The following SASS6 variants were observed in gnomAD, a reference collection of about 807,000 sequenced individuals.
SASS6 encodes the protein SAS-6 centriolar assembly protein, also known as spindle assembly abnormal protein 6 homolog.
SASS6 carries 59 observed loss-of-function variants against 94.9 expected under a neutral mutation model. The observed-to-expected ratio is 0.62, with a 90% CI of 0.50 to 0.77. The LOEUF (loss-of-function observed/expected upper bound fraction) is 0.77, where lower values mean the gene tolerates loss of function less well. SASS6 is among the 30% of genes least tolerant of loss of function. The probability of loss-of-function intolerance (pLI) is 0.00; values close to 1 mark genes in which losing one functional copy is unlikely to be tolerated. For missense variants in SASS6, 698 were observed against 734.1 expected (o/e 0.95, Z 0.57); for synonymous variants, 264 against 270.0 (o/e 0.98, Z 0.22).
In SASS6 at chr1:100,110,477, C is replaced by A. The variant is rs1302653202; in HGVS notation, c.676G>T (p.Val226Phe). 6.3e-7 allele frequency: 1 copy of A among 1,585,374 alleles called. No individual in the cohort carries two copies. The highest frequency in any genetic ancestry group is 1.8e-5 in the Admixed American group (1 of 56,016). The change falls in exon 8 of 17, where the codon GTT becomes TTT. Residue 226 changes from valine (V) to phenylalanine (F), a missense_variant. Coordinates refer to ENST00000287482, the MANE Select transcript of SASS6 (RefSeq NM_194292.3). ...NEKEKALQAQ[V>F]QYQQQHEQQK... ...TGTTCATGCTGCTGTTGATATTGAACCTGTGCCTATGATACAATAAAAATA... is the reference window on the plus strand; with the variant it reads ...TGTTCATGCTGCTGTTGATATTGAAACTGTGCCTATGATACAATAAAAATA...
At position 100,107,859 on chromosome 1, in the gene SASS6, T is replaced by A; in HGVS notation, c.1007A>T (p.Gln336Leu). 1.2e-6 allele frequency: 2 copies of A among 1,613,050 alleles called. No homozygotes were observed. Among genetic ancestry groups the A allele is most frequent in the Non-Finnish European group, 1.7e-6 (2 of 1,179,180 alleles). ...TGCCTCTTTTGTTCTTAAAACAAGC[T>A]GGTCCTTATCCTTGATTTCCTGTTC... Reference protein sequence around the residue: ...VLEQEIKDKDQLVLRTKEAFD... With the variant: ...VLEQEIKDKDLLVLRTKEAFD... Residue 336 changes from glutamine (Q) to leucine (L), a missense_variant, in exon 9 of 17, where the codon CAG becomes CTG. By Grantham distance (113) the Gln-to-Leu change is moderately radical. Transcript: ENST00000287482.
intron 7 of SASS6, among the ~76,000 whole-genome samples, chr1:100,118,082 G>A (rs1016189547): frequency 1.3e-5 from 2 of 152,182 alleles, no homozygotes; most frequent in African/African-American, 4.8e-5. Flanking sequence ...CACTTTGGGA[G>A]GCCAAGGCAG....
chr1:100,116,517 C>T (rs532035378), intron 7 of SASS6, among the ~76,000 whole-genome samples: 2 of 152,248 alleles, frequency 1.3e-5, no homozygotes, highest in South Asian at 4.1e-4. Context: ...ACAACCTAGC[C>T]ATTCCAATAA....
chr1:100,132,020 A>C (rs1655076519), intron 1 of SASS6, among the ~76,000 whole-genome samples: 1 of 152,154 alleles, frequency 6.6e-6, no homozygotes, highest in Non-Finnish European at 1.5e-5. Context: ...GGTCAAATCT[A>C]TTTACGCCCC....
At position 100,132,845 on chromosome 1, in the gene SASS6, A is replaced by G; in HGVS notation, c.-31T>C. 1.9e-6 allele frequency: 3 copies of G among 1,602,712 alleles called. No homozygotes were observed. Among genetic ancestry groups the G allele is most frequent in the Non-Finnish European group, 2.6e-6 (3 of 1,169,778 alleles). The stretch of plus-strand genomic sequence containing the variant: ...CTCGCTGCCTCGGCTGGTGTGCAGA[A>G]AAGCCCAACAGGCCCGGCCCTCGGG... On this transcript the variant is annotated 5_prime_UTR_variant, in exon 1 of 17. Transcript: ENST00000287482.
chr1:100,086,541 C>G (rs1035023210), intron 15 of SASS6, among the ~76,000 whole-genome samples: 9 of 139,098 alleles, frequency 6.5e-5, no homozygotes, highest in Non-Finnish European at 1.1e-4. Flanking sequence ...GAGACAGGTT[C>G]TCGTTTTGAG....
At chr1:100,122,551 T>C (rs1235852674) in intron 3 of SASS6, 67 bp from the exon 4 acceptor site, 1 of 291,470 alleles carries the variant, frequency 3.4e-6, no homozygotes, top group Non-Finnish European at 6.1e-6. Flanking sequence ...TTTGGTGCCT[T>C]TTTTTTTTTT....
chr1:100,113,156 T>A (rs1052415636), intron 7 of SASS6, among the ~76,000 whole-genome samples: 1 of 152,208 alleles, frequency 6.6e-6, no homozygotes, highest in South Asian at 2.1e-4. Flanking sequence ...GAGGTAGAGA[T>A]TGAAAAACTA....
At chr1:100,105,475 C>T (rs907054024) in intron 13 of SASS6, among the ~76,000 whole-genome samples, 4 of 151,484 alleles carry the variant, frequency 2.6e-5, no homozygotes, top group East Asian at 1.9e-4. Context: ...TGCAGTGAGC[C>T]GAGATCGCGC....
At chr1:100,128,667 G>A (rs974815530) in intron 1 of SASS6, among the ~76,000 whole-genome samples, 3 of 152,120 alleles carry the variant, frequency 2.0e-5, no homozygotes, top group African/African-American at 7.2e-5. Flanking sequence ...AATGGTTAAT[G>A]TCATAAGAGC....
chr1:100,113,992 C>A (rs1481860022), intron 7 of SASS6, among the ~76,000 whole-genome samples: 1 of 151,614 alleles, frequency 6.6e-6, no homozygotes, highest in Non-Finnish European at 1.5e-5. Context: ...AACACCTCAT[C>A]TTCAAAAATA....
At chr1:100,128,523 A>G (rs943415819) in intron 1 of SASS6, among the ~76,000 whole-genome samples, 1 of 152,204 alleles carries the variant, frequency 6.6e-6, no homozygotes, top group Non-Finnish European at 1.5e-5. Flanking sequence ...TGTTGAAAGA[A>G]AAAACGGAAG....
Position 100,110,445 on chromosome 1 carries a change from T to C in SASS6, c.708A>G (p.Lys236=). 2 of 1,610,832 alleles carry C rather than the reference T, an allele frequency of 1.2e-6. No homozygotes were observed. The highest frequency in any genetic ancestry group is 1.7e-6 in the Non-Finnish European group (2 of 1,178,168). ...GTTGATGGAGGATTTCTAAATCTTT[T>C]TTCTGTTGTTCATGCTGCTGTTGAT... ...VQYQQQHEQQ[K]KDLEILHQQN... The change falls in exon 8 of 17, where the codon AAA becomes AAG. Residue 236 remains lysine (K), a synonymous_variant. Coordinates refer to ENST00000287482, the MANE Select transcript of SASS6 (RefSeq NM_194292.3).
rs762776210 is a variant in SASS6, at chr1:100,110,448, C to T, written c.705G>A (p.Gln235=). ...QVQYQQQHEQ[Q]KKDLEILHQQ... is the part of the protein sequence containing the mutation. Reference sequence around the variant, plus strand: ...GATGGAGGATTTCTAAATCTTTTTTCTGTTGTTCATGCTGCTGTTGATATT... The same window carrying T: ...GATGGAGGATTTCTAAATCTTTTTTTTGTTGTTCATGCTGCTGTTGATATT... The change falls in exon 8 of 17, where the codon CAG becomes CAA. Residue 235 remains glutamine (Q), a synonymous_variant. Transcript: ENST00000287482. The T allele has an allele frequency of 1.9e-5, 31 of 1,609,360 alleles. No homozygotes were observed. The highest frequency in any genetic ancestry group is 1.7e-4 in the Admixed American group (10 of 59,422).
In SASS6 at chr1:100,110,478, C is replaced by T. The variant is rs755044408; in HGVS notation, c.675G>A (p.Gln225=). The T allele has an allele frequency of 6.3e-7, 1 of 1,582,344 alleles. No homozygotes were observed. Among genetic ancestry groups the T allele is most frequent in the South Asian group, 1.2e-5 (1 of 86,730 alleles). ...GTTCATGCTGCTGTTGATATTGAAC[C>T]TGTGCCTATGATACAATAAAAATAC... ...TNEKEKALQA[Q]VQYQQQHEQQ... Residue 225 remains glutamine (Q), a synonymous_variant, in exon 8 of 17, where the codon CAG becomes CAA. Transcript: ENST00000287482.
In SASS6 at chr1:100,132,915, C is replaced by A. The variant is rs139123325; in HGVS notation, c.-101G>T. ...GTCCTGATAAAGTTTGAGTTTGGCG[C>A]TCGGCTTCTGCGGAGGAGGCGGGGA... On this transcript the variant is annotated 5_prime_UTR_variant, in exon 1 of 17. Transcript: ENST00000287482. 2 of 1,214,890 alleles carry A rather than the reference C, an allele frequency of 1.6e-6. No homozygotes were observed. Among genetic ancestry groups the A allele is most frequent in the South Asian group, 1.2e-5 (1 of 80,170 alleles). The allele number at this position is 1,214,890 out of a possible 1,614,324, so 75.3% of individuals were successfully genotyped here.
chr1:100,107,873 G>C lies in SASS6; in HGVS notation c.993C>G (p.Ile331Met). 1.2e-6 allele frequency: 2 copies of C among 1,612,824 alleles called. No homozygotes were observed. ...TTAAAACAAGCTGGTCCTTATCCTT[G>C]ATTTCCTGTTCTAAAACTGCCACTT... ...QTKVAVLEQE[I>M]KDKDQLVLRT... Residue 331 changes from isoleucine (I) to methionine (M), a missense_variant, in exon 9 of 17, where the codon ATC (isoleucine) becomes ATG (methionine). Transcript: ENST00000287482.
intron 5 of SASS6, among the ~76,000 whole-genome samples, 169 bp downstream of exon 5, chr1:100,121,209 T>A (rs1234796312): frequency 6.6e-6 from 1 of 152,192 alleles, no homozygotes. Context: ...CTGGTCCAGA[T>A]CCATCCCGAC....
At position 100,107,671 on chromosome 1, in the gene SASS6, T is replaced by C; in HGVS notation, c.1103A>G (p.Lys368Arg). ...TAATGATTTTATTGTAGCTTCAAGC[T>C]TTCCTAGTTGTACTTGATTTTTCTC... ...NGEKNQVQLG[K>R]LEATIKSLSA... The change falls in exon 10 of 17, where the codon AAG becomes AGG. Residue 368 changes from lysine (K) to arginine (R), a missense_variant. Coordinates refer to ENST00000287482, the MANE Select transcript of SASS6 (RefSeq NM_194292.3). 1 of 1,606,754 alleles carries C rather than the reference T, an allele frequency of 6.2e-7. No individual in the cohort carries two copies. Among genetic ancestry groups the C allele is most frequent in the Non-Finnish European group, 8.5e-7 (1 of 1,176,770 alleles).
Sources: gnomAD v4.1 joint callset for allele counts (sites outside exome capture counted in the v4.1 genomes callset) on GRCh38, gnomAD v4.1.1 for gene constraint, MANE v1.5 for transcripts, NCBI Gene and HGNC (gene_info 2026-07-23, HGNC 2026-07-21) for gene names.